Variants in NAALADL2 observed in about 807,000 individuals in gnomAD.
The protein encoded by NAALADL2 is N-acetylated alpha-linked acidic dipeptidase like 2, also known as inactive N-acetylated-alpha-linked acidic dipeptidase-like protein 2.
Under a neutral mutation model 87.2 loss-of-function variants are expected in NAALADL2, and 76 were observed. The observed-to-expected ratio is 0.87, with a 90% CI of 0.72 to 1.05. The LOEUF is 1.05. Ranked by LOEUF, NAALADL2 falls within the 50% of genes least tolerant of loss-of-function variation. The probability of loss-of-function intolerance (pLI) is 0.00; values close to 1 mark genes in which losing one functional copy is unlikely to be tolerated. For synonymous variants in NAALADL2, 354 were observed against 331.0 expected (o/e 1.07, Z -0.75); for missense variants, 1,089 against 945.8 (o/e 1.15, Z -1.99).
intron 1 of NAALADL2, among the ~76,000 whole-genome samples, chr3:174,911,500 C>G (rs1329393770): frequency 1.3e-5 from 2 of 152,038 alleles, no homozygotes; most frequent in Non-Finnish European, 2.9e-5. Flanking sequence ...AAAGAGGTGA[C>G]TGGTAAGAGT....
intron 1 of NAALADL2, among the ~76,000 whole-genome samples, chr3:174,869,016 T>A (rs1222896093): frequency 6.6e-6 from 1 of 151,982 alleles, no homozygotes. Flanking sequence ...GATGAGTCCA[T>A]GGGAGAGAGA....
At chr3:175,654,877 T>G (rs537230884) in intron 11 of NAALADL2, among the ~76,000 whole-genome samples, 4 of 152,244 alleles carry the variant, frequency 2.6e-5, no homozygotes, top group South Asian at 4.1e-4. Context: ...TTGTGTTATT[T>G]AAGGTTTCTG....
chr3:175,132,933 C>A (rs940183327), intron 2 of NAALADL2, among the ~76,000 whole-genome samples: 10 of 150,776 alleles, frequency 6.6e-5, no homozygotes, highest in African/African-American at 2.0e-4. Flanking sequence ...TCAGACGGGG[C>A]GGTTGCCAGA....
At chr3:175,310,249 GTT>G (rs1450828524) in intron 4 of NAALADL2, among the ~76,000 whole-genome samples, 2 of 151,834 alleles carry the variant, frequency 1.3e-5, no homozygotes, top group African/African-American at 4.8e-5. Flanking sequence ...TGACTTTATT[GTT>G]TTCTTTATCT....
intron 1 of NAALADL2, among the ~76,000 whole-genome samples, chr3:174,981,540 A>G (rs1162972304): frequency 6.6e-6 from 1 of 152,204 alleles, no homozygotes; most frequent in Non-Finnish European, 1.5e-5. Flanking sequence ...AGTATTTTGC[A>G]GAAGTGTTCA....
At chr3:175,142,425 T>G (rs1730134285) in intron 2 of NAALADL2, among the ~76,000 whole-genome samples, 1 of 152,060 alleles carries the variant, frequency 6.6e-6, no homozygotes, top group African/African-American at 2.4e-5. Flanking sequence ...CTATATATAT[T>G]ATCTTAATCC....
intron 9 of NAALADL2, among the ~76,000 whole-genome samples, chr3:175,535,617 G>A (rs532661778): frequency 6.6e-6 from 1 of 152,238 alleles, no homozygotes; most frequent in South Asian, 2.1e-4. Context: ...TGTTTTTGTG[G>A]GGGGCAATGG....
chr3:174,481,064 A>G (rs1515580), intron 1 of NAALADL2, among the ~76,000 whole-genome samples: 64,447 of 151,752 alleles, frequency 0.42, 14,787 homozygotes, highest in East Asian at 0.88. Flanking sequence ...ATTAATTACA[A>G]CTTGTTTGGA....
rs998291352 is a variant in NAALADL2, at chr3:174,764,067, A to G, written c.-9+26321A>G. ...TGATTCAGAGAGATTGAAAGATTTC[A>G]AAGGAACACAAAGGTATTTACTACC... On this transcript the variant is annotated intron_variant, in intron 3 of 3. Coordinates refer to the NAALADL2 transcript ENST00000434257. Among the ~76,000 whole-genome samples, 3 of 152,324 alleles carry G rather than the reference A, an allele frequency of 2.0e-5. No homozygotes were observed. The South Asian group carries it at 6.2e-4, about 32-fold the overall frequency.
At chr3:175,794,373 A>C (rs1468987356) in intron 13 of NAALADL2, among the ~76,000 whole-genome samples, 2 of 125,748 alleles carry the variant, frequency 1.6e-5, no homozygotes, top group South Asian at 2.4e-4. Context: ...GAAACCAATT[A>C]AATGAGTGTG....
chr3:175,013,297 A>ATTT (rs1293274493), intron 1 of NAALADL2, among the ~76,000 whole-genome samples: 1,313 of 77,514 alleles, frequency 0.017, 106 homozygotes, highest in African/African-American at 0.082. Context: ...ATATATATAT[A>ATTT]TATATTTTTT....
intron 1 of NAALADL2, among the ~76,000 whole-genome samples, chr3:175,028,606 C>T (rs1332109534): frequency 2.0e-5 from 3 of 151,792 alleles, no homozygotes; most frequent in East Asian, 3.9e-4. Context: ...AGTGTTTTCC[C>T]TAAGATCTAA....
At chr3:174,907,118 C>A (rs1579463564) in intron 1 of NAALADL2, among the ~76,000 whole-genome samples, 1 of 152,206 alleles carries the variant, frequency 6.6e-6, no homozygotes, top group East Asian at 1.9e-4. Context: ...TATATTTGAT[C>A]TGATAATTAA....
At chr3:174,450,869 C>CAAAAAAAAAAAAAAAA (rs761513802) in intron 1 of NAALADL2, among the ~76,000 whole-genome samples, 16 of 74,872 alleles carry the variant, frequency 2.1e-4, no homozygotes, top group African/African-American at 3.5e-4. Context: ...GACTCTGTCT[C>CAAAAAAAAAAAAAAAA]AAAAAAAAAA....
At chr3:174,534,358 G>A (rs1476024866) in intron 1 of NAALADL2, among the ~76,000 whole-genome samples, 1 of 152,160 alleles carries the variant, frequency 6.6e-6, no homozygotes, top group African/African-American at 2.4e-5. Context: ...TGTTTGGAAT[G>A]CTATTTAAAT....
chr3:174,961,955 G>T (rs1438897354), intron 1 of NAALADL2, among the ~76,000 whole-genome samples: 1 of 151,024 alleles, frequency 6.6e-6, no homozygotes, highest in Non-Finnish European at 1.5e-5. Flanking sequence ...CACTGTAGCA[G>T]GGTTGGTCTG....
intron 1 of NAALADL2, among the ~76,000 whole-genome samples, chr3:175,076,613 C>T (rs1326416977): frequency 1.3e-5 from 2 of 152,086 alleles, no homozygotes; most frequent in Admixed American, 6.6e-5. Context: ...TTACTTACCT[C>T]ATCTTTCTAA....
chr3:174,657,315 C>G (rs1487205724), intron 2 of NAALADL2, among the ~76,000 whole-genome samples: 1 of 151,962 alleles, frequency 6.6e-6, no homozygotes, highest in East Asian at 1.9e-4. Context: ...TGCCACTATG[C>G]CCAGCTAATT....
At chr3:174,733,690 G>A (rs1213413975) in intron 2 of NAALADL2, among the ~76,000 whole-genome samples, 2 of 152,208 alleles carry the variant, frequency 1.3e-5, no homozygotes, top group African/African-American at 2.4e-5. Flanking sequence ...ACTAACACAA[G>A]TATTGCCATG....
Sources: allele counts gnomAD v4.1 joint callset (sites outside exome capture counted in the v4.1 genomes callset), GRCh38; gene constraint gnomAD v4.1.1; transcripts MANE v1.5; gene names NCBI Gene and HGNC (gene_info 2026-07-23, HGNC 2026-07-21).